The following ESRP1 variants were observed in gnomAD, a reference collection of about 807,000 sequenced individuals.
ESRP1 encodes RNA-binding motif protein 35A.
ESRP1 carries 33 observed loss-of-function variants against 81.7 expected under a neutral mutation model. The ratio of observed to expected loss-of-function variants is 0.40; its 90% CI spans 0.31 to 0.54. The LOEUF is 0.54. ESRP1 is among the 20% of genes least tolerant of loss of function. The probability of loss-of-function intolerance (pLI) is 0.41; values close to 1 mark genes in which losing one functional copy is unlikely to be tolerated. For synonymous variants in ESRP1, 320 were observed against 303.3 expected (o/e 1.06, Z -0.57); for missense variants, 672 against 833.1 (o/e 0.81, Z 2.38).
intron 13 of ESRP1, among the ~76,000 whole-genome samples, chr8:94,688,911 T>A (rs913824494): frequency 2.0e-5 from 3 of 152,156 alleles, no homozygotes; most frequent in Admixed American, 2.0e-4. Context: ...TTGATAGCTA[T>A]TGCATTGCAC....
chr8:94,645,301 T>C (rs1563515535), intron 3 of ESRP1, among the ~76,000 whole-genome samples: 1 of 152,130 alleles, frequency 6.6e-6, no homozygotes, highest in Non-Finnish European at 1.5e-5. Flanking sequence ...TCCTTGATGT[T>C]CTAATGTAAA....
intron 4 of ESRP1, among the ~76,000 whole-genome samples, chr8:94,656,409 AC>A (rs1480384557): frequency 3.4e-5 from 5 of 147,930 alleles, no homozygotes; most frequent in Non-Finnish European, 4.6e-5. Context: ...TTTAGTAGAG[AC>A]GGGGGTTTCA....
At chr8:94,646,132 C>G (rs1817838268) in intron 3 of ESRP1, 36 bp from the exon 4 acceptor site, 1 of 1,220,856 alleles carries the variant, frequency 8.2e-7, no homozygotes, top group South Asian at 1.4e-5. Flanking sequence ...GAACCAAATT[C>G]ACCTAGTTAA....
intron 13 of ESRP1, among the ~76,000 whole-genome samples, chr8:94,689,249 C>CAAAAA (rs56220336): frequency 2.1e-4 from 21 of 98,840 alleles, no homozygotes; most frequent in African/African-American, 7.0e-4. Flanking sequence ...ACTCAGTCTC[C>CAAAAA]AAAAAAAAAA....
intron 13 of ESRP1, among the ~76,000 whole-genome samples, chr8:94,683,301 T>G (rs1279232160): frequency 3.9e-5 from 6 of 152,178 alleles, no homozygotes; most frequent in African/African-American, 1.2e-4. Flanking sequence ...ATCTTTGGTT[T>G]GTTGTGTTAC....
chr8:94,643,434 T>C lies in ESRP1; in HGVS notation c.375+18T>C, dbSNP rs767707472. The C allele has an allele frequency of 6.4e-7, 1 of 1,573,816 alleles. No homozygotes were observed. The highest frequency in any genetic ancestry group is 2.2e-5 in the East Asian group (1 of 44,702). ...CCAAGAAGGTAAGAGTGCTGGCTTC[T>C]GGGAAAAAAATGGTTGGAGCTTTGG... On this transcript the variant is annotated intron_variant, in intron 3 of 15. Coordinates refer to ENST00000433389, the MANE Select transcript of ESRP1 (RefSeq NM_017697.4).
intron 15 of ESRP1, among the ~76,000 whole-genome samples, chr8:94,703,109 T>A (rs915232727): frequency 1.5e-4 from 3 of 20,044 alleles, no homozygotes; most frequent in African/African-American, 3.0e-4. Flanking sequence ...AGATTGATTG[T>A]TTTTTTTTTT....
intron 13 of ESRP1, among the ~76,000 whole-genome samples, chr8:94,689,919 C>T (rs1385357730): frequency 6.7e-6 from 1 of 150,230 alleles, no homozygotes; most frequent in Non-Finnish European, 1.5e-5. Context: ...CAGGTTCATG[C>T]CATTCTCCTG....
rs772941059 is a variant in ESRP1, at chr8:94,671,637, G to A, written c.1418G>A (p.Arg473His). 125 of 1,613,660 alleles carry A rather than the reference G, an allele frequency of 7.7e-5. No individual in the cohort carries two copies. Among genetic ancestry groups the A allele is most frequent in the Non-Finnish European group, 9.2e-5 (108 of 1,179,866 alleles). The change falls in exon 11 of 16, where the codon CGT becomes CAT. Residue 473 changes from arginine (R) to histidine (H), a missense_variant. Coordinates refer to ENST00000433389, the MANE Select transcript of ESRP1 (RefSeq NM_017697.4). ...DFLGEFATDI[R>H]THGVHMVLNH... Reference sequence around the variant, plus strand: ...CTGGGGGAGTTCGCCACAGATATTCGTACTCATGGGGTTCACATGGTTTTG... The same window carrying A: ...CTGGGGGAGTTCGCCACAGATATTCATACTCATGGGGTTCACATGGTTTTG...
At chr8:94,687,934 CT>C (rs1337449266) in intron 13 of ESRP1, among the ~76,000 whole-genome samples, 1 of 151,876 alleles carries the variant, frequency 6.6e-6, no homozygotes, top group East Asian at 1.9e-4. Flanking sequence ...TCTTTTTTCC[CT>C]TACACTTTTG....
chr8:94,700,522 T>C (rs115712399), intron 15 of ESRP1, among the ~76,000 whole-genome samples: 3,094 of 152,368 alleles, frequency 0.02, 97 homozygotes, highest in African/African-American at 0.069. Flanking sequence ...ACAGCCGCAC[T>C]GACACAGTTT....
Position 94,674,308 on chromosome 8 carries a change from G to GGCC in ESRP1, c.1457_1459dup (p.Arg486dup). Reference sequence around the variant, plus strand: ...TTTTATTCTTCCCCCACACACTCAGGGCCGCCCATCAGGAGATGCCTTTAT... The same window carrying GGCC: ...TTTTATTCTTCCCCCACACACTCAGGGCCGCCGCCCATCAGGAGATGCCTTTAT... On this transcript the variant is annotated inframe_insertion and splice_region_variant, in exon 12 of 16. Transcript: ENST00000433389. 6.2e-7 allele frequency: 1 copy of GGCC among 1,613,276 alleles called. No homozygotes were observed. Among genetic ancestry groups the GGCC allele is most frequent in the Non-Finnish European group, 8.5e-7 (1 of 1,179,704 alleles).
chr8:94,703,570 T>C (rs1191333810), intron 15 of ESRP1, among the ~76,000 whole-genome samples: 1 of 152,172 alleles, frequency 6.6e-6, no homozygotes, highest in African/African-American at 2.4e-5. Context: ...AAGGCTTAAT[T>C]TTCAGCATCT....
At chr8:94,696,005 G>A (rs536407201) in intron 14 of ESRP1, among the ~76,000 whole-genome samples, 1 of 152,336 alleles carries the variant, frequency 6.6e-6, no homozygotes, top group South Asian at 2.1e-4. Flanking sequence ...GGAAGTTGCA[G>A]TGAGCTGCGA....
intron 4 of ESRP1, among the ~76,000 whole-genome samples, chr8:94,646,900 C>T (rs1817884278): frequency 6.6e-6 from 1 of 152,088 alleles, no homozygotes; most frequent in Admixed American, 6.6e-5. Flanking sequence ...ATGAATGACC[C>T]GTCATCTTAC....
At chr8:94,664,039 AT>A (rs1202565733) in intron 6 of ESRP1, among the ~76,000 whole-genome samples, 3 of 151,310 alleles carry the variant, frequency 2.0e-5, no homozygotes, top group African/African-American at 7.3e-5. Flanking sequence ...TACTGTCTAG[AT>A]TTGAGAATGA....
intron 4 of ESRP1, among the ~76,000 whole-genome samples, chr8:94,658,111 C>T (rs1193200163): frequency 6.6e-6 from 1 of 152,168 alleles, no homozygotes; most frequent in Non-Finnish European, 1.5e-5. Flanking sequence ...AGGAGTTCAC[C>T]ATGTTGGCTA....
chr8:94,705,759 C>A, intron 15 of ESRP1, 166 bp from the exon 16 acceptor site: 1 of 627,328 alleles, frequency 1.6e-6, no homozygotes, highest in Non-Finnish European at 2.7e-6. Context: ...AAGCCCTTGC[C>A]ATGTAAATGC....
Position 94,678,186 on chromosome 8 carries a change from T to G in ESRP1, c.1652-17T>G. On this transcript the variant is annotated splice_polypyrimidine_tract_variant and intron_variant, in intron 12 of 15. Transcript: ENST00000433389. ...TGTTACAAATATGTCTCAAAGAATC[T>G]CTCTTTGCATATCTAGGCCTGTCTC... is the stretch of plus-strand genomic sequence containing the variant. The G allele has an allele frequency of 6.2e-7, 1 of 1,612,222 alleles. No homozygotes were observed. Among genetic ancestry groups the G allele is most frequent in the East Asian group, 2.2e-5 (1 of 44,844 alleles).
Sources: gnomAD v4.1 joint callset for allele counts (sites outside exome capture counted in the v4.1 genomes callset) on GRCh38, gnomAD v4.1.1 for gene constraint, MANE v1.5 for transcripts, NCBI Gene and HGNC (gene_info 2026-07-23, HGNC 2026-07-21) for gene names.